Variants in TGFA observed in about 807,000 individuals in gnomAD.
TGFA encodes the protein protransforming growth factor alpha.
In TGFA, 12 loss-of-function variants were observed where a neutral mutation model predicts 21.7. The ratio of observed to expected loss-of-function variants is 0.55; its 90% CI spans 0.35 to 0.90. The LOEUF (loss-of-function observed/expected upper bound fraction) is 0.90, where lower values mean the gene tolerates loss of function less well. TGFA is among the 40% of genes least tolerant of loss of function. The probability of loss-of-function intolerance (pLI) is 0.01; values close to 1 mark genes in which losing one functional copy is unlikely to be tolerated. For missense variants in TGFA, 178 were observed against 210.8 expected (o/e 0.84, Z 0.96); for synonymous variants, 79 against 88.1 (o/e 0.90, Z 0.58).
intron 2 of TGFA, among the ~76,000 whole-genome samples, chr2:70,472,031 C>T (rs1171555686): frequency 2.0e-5 from 3 of 152,050 alleles, no homozygotes; most frequent in Non-Finnish European, 4.4e-5. Flanking sequence ...TCTCTATCTC[C>T]CTTCACTCTC....
At chr2:70,483,601 T>G (rs1432967596) in intron 2 of TGFA, among the ~76,000 whole-genome samples, 1 of 152,224 alleles carries the variant, frequency 6.6e-6, no homozygotes, top group Non-Finnish European at 1.5e-5. Flanking sequence ...TCAATAATAG[T>G]CTTTTCCTGG....
intron 2 of TGFA, among the ~76,000 whole-genome samples, chr2:70,479,529 T>C (rs1671047708): frequency 1.3e-5 from 2 of 152,352 alleles, no homozygotes; most frequent in Admixed American, 1.3e-4. Flanking sequence ...AGGACAAGTC[T>C]TTTTCAGCTT....
chr2:70,521,613 G>GTGTTTTTTTTTTT (rs532266930), intron 1 of TGFA, among the ~76,000 whole-genome samples: 4 of 74,052 alleles, frequency 5.4e-5, no homozygotes, highest in African/African-American at 1.7e-4. Context: ...GTTGTTGTTT[G>GTGTTTTTTTTTTT]TTTGTTTTTT....
intron 1 of TGFA, among the ~76,000 whole-genome samples, chr2:70,541,310 C>A (rs2103933086): frequency 6.6e-6 from 1 of 152,290 alleles, no homozygotes; most frequent in African/African-American, 2.4e-5. Flanking sequence ...ATGTTTGCCA[C>A]AGAAATATTT....
chr2:70,509,838 A>G (rs1672039428), intron 2 of TGFA, among the ~76,000 whole-genome samples: 1 of 152,200 alleles, frequency 6.6e-6, no homozygotes, highest in Admixed American at 6.5e-5. Flanking sequence ...CTCAGGGTTA[A>G]GCAAGTAGCC....
At chr2:70,536,451 A>G (rs969270881) in intron 1 of TGFA, among the ~76,000 whole-genome samples, 1 of 152,224 alleles carries the variant, frequency 6.6e-6, no homozygotes, top group African/African-American at 2.4e-5. Context: ...GTTCTGGGCC[A>G]TAAAATATAC....
intron 5 of TGFA, among the ~76,000 whole-genome samples, chr2:70,451,187 T>C (rs1670046768): frequency 6.6e-6 from 1 of 152,190 alleles, no homozygotes; most frequent in South Asian, 2.1e-4. Context: ...TGCAGTCAGA[T>C]CCTGTAAGGG....
At chr2:70,535,275 C>T (rs782219490) in intron 1 of TGFA, among the ~76,000 whole-genome samples, 2 of 152,104 alleles carry the variant, frequency 1.3e-5, no homozygotes, top group Non-Finnish European at 2.9e-5. Context: ...CTGCTCCTGC[C>T]ATGATCTATA....
intron 1 of TGFA, among the ~76,000 whole-genome samples, chr2:70,529,598 C>G (rs12474628): frequency 2.8e-4 from 43 of 151,552 alleles, no homozygotes; most frequent in African/African-American, 1.0e-3. Flanking sequence ...TCCCCCCGCC[C>G]CAGTCCTAGA....
At chr2:70,529,056 G>A (rs1553503320) in intron 1 of TGFA, among the ~76,000 whole-genome samples, 1 of 152,216 alleles carries the variant, frequency 6.6e-6, no homozygotes, top group Non-Finnish European at 1.5e-5. Context: ...TTTGTTGCCA[G>A]CACTGTTACA....
intron 2 of TGFA, among the ~76,000 whole-genome samples, chr2:70,510,208 G>A (rs1672050057): frequency 6.6e-6 from 1 of 152,190 alleles, no homozygotes; most frequent in Non-Finnish European, 1.5e-5. Flanking sequence ...TGAGGACAAG[G>A]CAGAGAAAGC....
intron 1 of TGFA, among the ~76,000 whole-genome samples, chr2:70,544,095 T>C (rs1418281772): frequency 6.6e-6 from 1 of 152,066 alleles, no homozygotes; most frequent in East Asian, 1.9e-4. Flanking sequence ...TTTTAGTAAA[T>C]TATGATGAGA....
chr2:70,515,162 T>C (rs1553501445), intron 1 of TGFA, among the ~76,000 whole-genome samples: 1 of 152,188 alleles, frequency 6.6e-6, no homozygotes, highest in Admixed American at 6.5e-5. Context: ...CTTCCCAGTC[T>C]CTCTCTCCAT....
At position 70,456,367 on chromosome 2, in the gene TGFA, C is replaced by T. The variant is rs782173840; in HGVS notation, c.337G>A (p.Val113Ile). ...LVVVSIVALA[V>I]LIITCVLIHC... ...ATCAGCACACATGTGATGATAAGGA[C>T]AGCCAGGGCCACGATGGAGACCACC... Residue 113 changes from valine to isoleucine, a missense_variant, in exon 4 of 6, where the codon GTC becomes ATC. By Grantham distance (29) the Val-to-Ile change is conservative. Coordinates refer to ENST00000295400, the MANE Select transcript of TGFA (RefSeq NM_003236.4). 1.3e-6 allele frequency: 2 copies of T among 1,564,472 alleles called. No individual in the cohort carries two copies. The highest frequency in any genetic ancestry group is 2.4e-5 in the South Asian group (2 of 84,744).
chr2:70,539,286 T>A (rs1673062645), intron 1 of TGFA, among the ~76,000 whole-genome samples: 1 of 152,136 alleles, frequency 6.6e-6, no homozygotes, highest in Non-Finnish European at 1.5e-5. Flanking sequence ...CTCTGAGGTA[T>A]GCCTATACTT....
chr2:70,471,665 G>C (rs1407977870), intron 2 of TGFA, among the ~76,000 whole-genome samples: 2 of 152,164 alleles, frequency 1.3e-5, no homozygotes, highest in African/African-American at 4.8e-5. Flanking sequence ...GGGAGGGCAG[G>C]GACAGGGATG....
chr2:70,490,375 A>G (rs3771502), intron 2 of TGFA, among the ~76,000 whole-genome samples: 28,764 of 152,126 alleles, frequency 0.19, 3,268 homozygotes, highest in Admixed American at 0.31. Flanking sequence ...AAACCTCCTC[A>G]TATAGTAATT....
In TGFA at chr2:70,467,199, A is replaced by G. The variant is rs116428879; in HGVS notation, c.95-1463T>C. ...GCACATGTACCCTGGAACTTAAAAA[A>G]ATTAAATAATTTTAAAAAAAAGATT... is the stretch of plus-strand genomic sequence containing the variant. On this transcript the variant is annotated intron_variant, in intron 2 of 5. Transcript: ENST00000295400. Among the ~76,000 whole-genome samples the G allele has an allele frequency of 3.3e-3, 505 of 152,368 alleles. 4 individuals are homozygous for G. Among genetic ancestry groups the G allele is most frequent in the African/African-American group, 0.011 (478 of 41,588 alleles).
At chr2:70,548,299 G>A (rs996213325) in intron 1 of TGFA, among the ~76,000 whole-genome samples, 2 of 152,172 alleles carry the variant, frequency 1.3e-5, no homozygotes, top group African/African-American at 2.4e-5. Context: ...AAACACAGAG[G>A]TGAGGAGGAA....
Sources: allele counts gnomAD v4.1 joint callset (sites outside exome capture counted in the v4.1 genomes callset), GRCh38; gene constraint gnomAD v4.1.1; transcripts MANE v1.5; gene names NCBI Gene and HGNC (gene_info 2026-07-23, HGNC 2026-07-21).